C12orf56: variants seen among roughly 807,000 people sequenced by gnomAD.
The protein encoded by C12orf56 is uncharacterized protein C12orf56.
A neutral mutation model predicts 69.9 loss-of-function variants in C12orf56; 71 were observed. That is an observed-to-expected ratio of 1.02 (90% CI 0.84 to 1.24). The LOEUF (loss-of-function observed/expected upper bound fraction) is 1.24, where lower values mean the gene tolerates loss of function less well. C12orf56 is among the 50% of genes most tolerant of loss of function. The pLI is 0.00. For synonymous variants in C12orf56, 276 were observed against 274.1 expected, an observed-to-expected ratio of 1.01 and a Z score of -0.07; for missense variants, 732 against 738.5, an observed-to-expected ratio of 0.99 and a Z score of 0.10.
At chr12:64,271,196 T>C (rs1271846802) in intron 11 of C12orf56, among the ~76,000 whole-genome samples, 1 of 151,702 alleles carries the variant, frequency 6.6e-6, no homozygotes, top group Non-Finnish European at 1.5e-5. Context: ...GGTCGGGCAC[T>C]GTGCCTCATC....
chr12:64,309,442 G>A (rs1336530914), intron 5 of C12orf56, among the ~76,000 whole-genome samples: 1 of 152,158 alleles, frequency 6.6e-6, no homozygotes, highest in East Asian at 1.9e-4. Context: ...GTTCATCCAT[G>A]TGGTAGTAGC....
rs796854917 is a variant in C12orf56, at chr12:64,308,924, G to GAAA, written c.968+3752_968+3754dup. 1.8e-3 allele frequency among the ~76,000 whole-genome samples: 81 copies of GAAA among 45,948 alleles called. 1 individual carries two copies. Among genetic ancestry groups the GAAA allele is most frequent in the Middle Eastern group, 0.01 (1 of 100 alleles). 30.1% of individuals were successfully genotyped at this position (45,948 alleles called of 152,430 possible). ...AGAAAGAAAGAAAGAAAGAAAGAAA[G>GAAA]AAAGAAAGAAAGAAAGAAGAAAGAA... On this transcript the variant is annotated intron_variant, in intron 5 of 12. Coordinates refer to ENST00000543942, the MANE Select transcript of C12orf56 (RefSeq NM_001170633.2).
intron 1 of C12orf56, among the ~76,000 whole-genome samples, chr12:64,375,961 G>A (rs1404155554): frequency 6.6e-6 from 1 of 152,118 alleles, no homozygotes; most frequent in Non-Finnish European, 1.5e-5. Flanking sequence ...AAAAGGTCAT[G>A]GTCACCTTGT....
chr12:64,294,388 T>C (rs990736288), intron 6 of C12orf56, among the ~76,000 whole-genome samples: 9 of 152,148 alleles, frequency 5.9e-5, no homozygotes, highest in Non-Finnish European at 1.0e-4. Context: ...TGCATACCAA[T>C]GTTCATAGCT....
chr12:64,279,275 C>T (rs1244867991), intron 8 of C12orf56, among the ~76,000 whole-genome samples: 1 of 152,076 alleles, frequency 6.6e-6, no homozygotes, highest in Admixed American at 6.6e-5. Flanking sequence ...ATTTTACTTT[C>T]CAATGTGGGG....
chr12:64,267,858 G>A (rs1415653422), intron 12 of C12orf56, among the ~76,000 whole-genome samples: 1 of 152,146 alleles, frequency 6.6e-6, no homozygotes, highest in Non-Finnish European at 1.5e-5. Context: ...ATTTCTACGT[G>A]TGACACCTGG....
intron 1 of C12orf56, among the ~76,000 whole-genome samples, chr12:64,357,483 G>A (rs1373944779): frequency 6.6e-6 from 1 of 151,224 alleles, no homozygotes; most frequent in East Asian, 1.9e-4. Context: ...TACAATCTCA[G>A]GTCACTGCAA....
chr12:64,316,942 A>G (rs1752449063), intron 4 of C12orf56, among the ~76,000 whole-genome samples: 1 of 152,232 alleles, frequency 6.6e-6, no homozygotes, highest in African/African-American at 2.4e-5. Flanking sequence ...CTGCTGCATA[A>G]TTTAAAAGTA....
chr12:64,294,910 T>TC lies in C12orf56; in HGVS notation c.1113+8724_1113+8725insG, dbSNP rs1397808652. Among the ~76,000 whole-genome samples, 110 of 152,052 alleles carry TC rather than the reference T, an allele frequency of 7.2e-4. 1 individual carries two copies. In the Middle Eastern group the frequency reaches 0.014, roughly 19 times the overall value. On this transcript the variant is annotated intron_variant, in intron 6 of 12. Coordinates refer to ENST00000543942, the MANE Select transcript of C12orf56 (RefSeq NM_001170633.2). ...ATCATATGAAGAAAAAAAAATTTTTTTTTTTTTTGAGATGGAGTCTTGCTC... is the reference window on the plus strand; with the variant it reads ...ATCATATGAAGAAAAAAAAATTTTTTCTTTTTTTTGAGATGGAGTCTTGCTC...
rs1208809297 is a variant in C12orf56 at position 64,390,474 on chromosome 12, T to C, written c.92A>G (p.Asp31Gly). The C allele has an allele frequency of 6.2e-7, 1 of 1,605,710 alleles. No individual in the cohort carries two copies. Among genetic ancestry groups the C allele is most frequent in the Admixed American group, 1.7e-5 (1 of 60,018 alleles). Residue 31 changes from aspartate to glycine, a missense_variant, in exon 1 of 13, where the codon GAC becomes GGC. Transcript: ENST00000543942. ...LRRHLPPEVY[D>G]AVRAYEPCIV... ...GCATGGCTCGTAGGCGCGGACCGCG[T>C]CGTAGACCTCGGGCGGCAGATGCCG...
chr12:64,317,543 T>C (rs909713112), intron 4 of C12orf56, among the ~76,000 whole-genome samples: 1 of 152,112 alleles, frequency 6.6e-6, no homozygotes, highest in Non-Finnish European at 1.5e-5. Context: ...GCGGATCACC[T>C]GAGGTCGGGA....
chr12:64,305,542 C>T (rs2038499850), intron 5 of C12orf56, among the ~76,000 whole-genome samples: 1 of 152,132 alleles, frequency 6.6e-6, no homozygotes, highest in Non-Finnish European at 1.5e-5. Context: ...CCACCATACC[C>T]AGCTAATTTT....
chr12:64,349,570 T>C (rs1490666069), intron 2 of C12orf56, among the ~76,000 whole-genome samples: 1 of 152,236 alleles, frequency 6.6e-6, no homozygotes, highest in Non-Finnish European at 1.5e-5. Context: ...CACATGTTTA[T>C]AGTGGTACAA....
intron 5 of C12orf56, among the ~76,000 whole-genome samples, chr12:64,306,768 C>G (rs1466329388): frequency 6.6e-6 from 1 of 152,166 alleles, no homozygotes. Flanking sequence ...TTGTAAAGCA[C>G]TGGAAAGGCT....
At chr12:64,344,079 C>T (rs2099009243) in intron 2 of C12orf56, among the ~76,000 whole-genome samples, 1 of 152,138 alleles carries the variant, frequency 6.6e-6, no homozygotes, top group Admixed American at 6.5e-5. Flanking sequence ...TCTTGGGTCC[C>T]CTGGAATCAA....
chr12:64,349,319 A>G (rs1371929540), intron 2 of C12orf56, among the ~76,000 whole-genome samples: 1 of 152,250 alleles, frequency 6.6e-6, no homozygotes, highest in East Asian at 1.9e-4. Flanking sequence ...CCACAATGCA[A>G]TACCACTTTA....
chr12:64,323,323 A>T (rs1234992103), intron 3 of C12orf56, among the ~76,000 whole-genome samples: 1 of 152,208 alleles, frequency 6.6e-6, no homozygotes, highest in Non-Finnish European at 1.5e-5. Context: ...TCATACATTT[A>T]AAATAGAACA....
At chr12:64,381,916 T>A (rs2039723331) in intron 1 of C12orf56, among the ~76,000 whole-genome samples, 1 of 152,120 alleles carries the variant, frequency 6.6e-6, no homozygotes, top group African/African-American at 2.4e-5. Context: ...AATGAGCAAT[T>A]GTGTTTTTGA....
At chr12:64,377,709 T>C (rs1251704474) in intron 1 of C12orf56, among the ~76,000 whole-genome samples, 1 of 152,178 alleles carries the variant, frequency 6.6e-6, no homozygotes, top group Non-Finnish European at 1.5e-5. Flanking sequence ...CAGCAGTTGA[T>C]TATCTAGTTT....
Sources: allele counts gnomAD v4.1 joint callset (sites outside exome capture counted in the v4.1 genomes callset), GRCh38; gene constraint gnomAD v4.1.1; transcripts MANE v1.5; gene names NCBI Gene and HGNC (gene_info 2026-07-23, HGNC 2026-07-21).